The following GPX7 variants were observed in gnomAD, a reference collection of about 807,000 sequenced individuals.
The protein encoded by GPX7 is glutathione peroxidase 7.
Under a neutral mutation model 23.7 loss-of-function variants are expected in GPX7, and 21 were observed. That is an observed-to-expected ratio of 0.89 (90% CI 0.63 to 1.28). The LOEUF (loss-of-function observed/expected upper bound fraction) is 1.28, where lower values mean the gene tolerates loss of function less well. Among genes scored for constraint, GPX7 ranks in the 50% most tolerant of loss-of-function variants. The pLI, the probability that GPX7 is intolerant of heterozygous loss-of-function variation, is 0.00. For synonymous variants in GPX7, 112 were observed against 101.8 expected (o/e 1.10, Z -0.61); for missense variants, 238 against 237.3 (o/e 1.00, Z -0.02).
intron 1 of GPX7, among the ~76,000 whole-genome samples, chr1:52,604,562 C>A (rs1339586070): frequency 6.6e-6 from 1 of 152,180 alleles, no homozygotes; most frequent in African/African-American, 2.4e-5. Flanking sequence ...TTTACTTCTT[C>A]TGTGTACAAA....
At position 52,602,400 on chromosome 1, in the gene GPX7, G is replaced by A. The variant is rs762876280; in HGVS notation, c.-10G>A. 1.0e-5 allele frequency: 15 copies of A among 1,479,740 alleles called. No homozygotes were observed. Among genetic ancestry groups the A allele is most frequent in the Non-Finnish European group, 1.3e-5 (15 of 1,115,862 alleles). 91.7% of individuals were successfully genotyped at this position (1,479,740 alleles called of 1,614,324 possible). On this transcript the variant is annotated 5_prime_UTR_variant, in exon 1 of 3. Coordinates refer to ENST00000361314, the MANE Select transcript of GPX7 (RefSeq NM_015696.5). ...TTGCCCTCGCGACGCCGCCACCTCCGGAACAAGCCATGGTGGCGGCGACGG... is the reference window on the plus strand; with the variant it reads ...TTGCCCTCGCGACGCCGCCACCTCCAGAACAAGCCATGGTGGCGGCGACGG...
chr1:52,603,737 A>G (rs1390559237), intron 1 of GPX7, among the ~76,000 whole-genome samples: 2 of 152,216 alleles, frequency 1.3e-5, no homozygotes, highest in African/African-American at 4.8e-5. Flanking sequence ...TGGGGACAGT[A>G]ATCCCTGCTT....
At chr1:52,605,710 T>G (rs1243361969) in intron 1 of GPX7, among the ~76,000 whole-genome samples, 1 of 152,240 alleles carries the variant, frequency 6.6e-6, no homozygotes, top group Non-Finnish European at 1.5e-5. Flanking sequence ...GGTTCATGAC[T>G]GTAATCCTAG....
chr1:52,607,204 C>T (rs1481122770), intron 2 of GPX7: 1 of 523,696 alleles, frequency 1.9e-6, no homozygotes, highest in Non-Finnish European at 3.4e-6. Flanking sequence ...CTCTTTTGGA[C>T]TTTTCTGGGA....
At chr1:52,604,112 T>C (rs568736648) in intron 1 of GPX7, among the ~76,000 whole-genome samples, 44 of 152,112 alleles carry the variant, frequency 2.9e-4, no homozygotes, top group African/African-American at 9.6e-4. Context: ...AGAAAGACAA[T>C]AAACAAGGAA....
chr1:52,606,441 G>A (rs1165083530), intron 1 of GPX7, among the ~76,000 whole-genome samples: 2 of 152,190 alleles, frequency 1.3e-5, no homozygotes, highest in African/African-American at 4.8e-5. Context: ...GTTCATGTAT[G>A]TGTGCACACA....
At chr1:52,603,826 C>T (rs1690826473) in intron 1 of GPX7, among the ~76,000 whole-genome samples, 2 of 152,040 alleles carry the variant, frequency 1.3e-5, no homozygotes, top group Admixed American at 1.3e-4. Flanking sequence ...GTGCTTTGCA[C>T]CTGTGTTTGG....
chr1:52,605,844 C>T (rs1429014028), intron 1 of GPX7, among the ~76,000 whole-genome samples: 2 of 152,130 alleles, frequency 1.3e-5, no homozygotes, highest in Non-Finnish European at 2.9e-5. Context: ...GGTGTGATGG[C>T]ACGTGCCTGT....
chr1:52,608,362 G>C lies in GPX7; in HGVS notation c.501G>C (p.Glu167Asp). 2 of 1,614,078 alleles carry C rather than the reference G, an allele frequency of 1.2e-6. No individual in the cohort carries two copies. Among genetic ancestry groups the C allele is most frequent in the Non-Finnish European group, 1.7e-6 (2 of 1,179,994 alleles). The change falls in exon 3 of 3, where the codon GAG (glutamate) becomes GAC (aspartate). Residue 167 changes from glutamate to aspartate, a missense_variant. By Grantham distance (45) the Glu-to-Asp change is conservative. Transcript: ENST00000361314. ...GAWDPTVSVE[E>D]VRPQITALVR... The stretch of plus-strand genomic sequence containing the variant: ...GGGACCCAACTGTGTCAGTGGAGGA[G>C]GTCAGACCCCAGATCACAGCGCTCG...
chr1:52,602,614 C>G (rs1309238309), intron 1 of GPX7, 67 bp downstream of exon 1: 1 of 1,030,688 alleles, frequency 9.7e-7, no homozygotes, highest in African/African-American at 1.7e-5. Flanking sequence ...GCTGGGGACG[C>G]CCCGCAGCCC....
Position 52,602,424 on chromosome 1 carries a change from G to C in GPX7, c.15G>C (p.Thr5=), listed in dbSNP as rs1377591549. 3 of 1,517,224 alleles carry C rather than the reference G, an allele frequency of 2.0e-6. No homozygotes were observed. The highest frequency in any genetic ancestry group is 2.6e-6 in the Non-Finnish European group (3 of 1,135,704). 94.0% of individuals were successfully genotyped at this position (1,517,224 alleles called of 1,614,324 possible). A position where few individuals can be genotyped will look rare whatever the true frequency, so the allele number is the denominator to read the frequency against. The change falls in exon 1 of 3, where the codon ACG becomes ACC. Residue 5 remains threonine, a synonymous_variant. Transcript: ENST00000361314. MVAA[T]VAAAWLLLWA... ...CGGAACAAGCCATGGTGGCGGCGAC[G>C]GTGGCAGCGGCGTGGCTGCTCCTGT... is the stretch of plus-strand genomic sequence containing the variant.
At chr1:52,604,523 T>A (rs1165096119) in intron 1 of GPX7, among the ~76,000 whole-genome samples, 1 of 152,044 alleles carries the variant, frequency 6.6e-6, no homozygotes, top group Non-Finnish European at 1.5e-5. Flanking sequence ...ATGTGTGGGG[T>A]TATGTGTAGT....
rs1332039640 is a variant in GPX7, at chr1:52,608,446, C to T, written c.*21C>T. On this transcript the variant is annotated 3_prime_UTR_variant, in exon 3 of 3. Coordinates refer to ENST00000361314, the MANE Select transcript of GPX7 (RefSeq NM_015696.5). ...TATAACCACCGCGTCTCCTCCTCCA[C>T]CACCTCATCCCGCCCACCTGTGTGG... The T allele has an allele frequency of 5.1e-6, 8 of 1,580,384 alleles. No individual in the cohort carries two copies. Among genetic ancestry groups the T allele is most frequent in the Non-Finnish European group, 6.9e-6 (8 of 1,163,858 alleles).
At chr1:52,604,985 C>G (rs1377048512) in intron 1 of GPX7, among the ~76,000 whole-genome samples, 1 of 140,962 alleles carries the variant, frequency 7.1e-6, no homozygotes, top group Admixed American at 7.8e-5. Flanking sequence ...GTGGAGGTTG[C>G]AGTGAGCCAA....
rs554689193 is a variant in GPX7, at chr1:52,607,045, C to A, written c.400+100C>A. On this transcript the variant is annotated intron_variant, in intron 2 of 2. Coordinates refer to ENST00000361314, the MANE Select transcript of GPX7 (RefSeq NM_015696.5). The stretch of plus-strand genomic sequence containing the variant: ...CACTGGCTGGTTGGGTGACCTGGGG[C>A]CCCTTCCCCTTCCTGATCATCTCAG... The A allele has an allele frequency of 1.9e-5, 22 of 1,146,956 alleles. No individual in the cohort carries two copies. The African/African-American group carries it at 2.6e-4, about 14-fold the overall frequency. 71.0% of individuals were successfully genotyped at this position (1,146,956 alleles called of 1,614,324 possible).
At chr1:52,606,392 A>G (rs1690852015) in intron 1 of GPX7, among the ~76,000 whole-genome samples, 1 of 152,120 alleles carries the variant, frequency 6.6e-6, no homozygotes, top group African/African-American at 2.4e-5. Flanking sequence ...GTGCATGTGC[A>G]TACCTATTTA....
At chr1:52,606,659 G>T in intron 1 of GPX7, 25 bp from the exon 2 acceptor site, 1 of 1,604,646 alleles carries the variant, frequency 6.2e-7, no homozygotes. Flanking sequence ...TCTGGGCTTT[G>T]TTTTGTTTTG....
At chr1:52,608,101 T>C (rs1181996402) in intron 2 of GPX7, among the ~76,000 whole-genome samples, 161 bp from the exon 3 acceptor site, 1 of 152,222 alleles carries the variant, frequency 6.6e-6, no homozygotes, top group African/African-American at 2.4e-5. Flanking sequence ...TGAAAAATGC[T>C]GATGCCTGAG....
At chr1:52,606,623 C>A in intron 1 of GPX7, 61 bp from the exon 2 acceptor site, 1 of 1,573,380 alleles carries the variant, frequency 6.4e-7, no homozygotes, top group Non-Finnish European at 8.6e-7. Flanking sequence ...AGGGCATGTA[C>A]AGGTTCATGC....
Sources: allele counts gnomAD v4.1 joint callset (sites outside exome capture counted in the v4.1 genomes callset), GRCh38; gene constraint gnomAD v4.1.1; transcripts MANE v1.5; gene names NCBI Gene and HGNC (gene_info 2026-07-23, HGNC 2026-07-21).